RP1: variants seen among roughly 807,000 people sequenced by gnomAD.
RP1 encodes the protein oxygen-regulated protein 1.
Under a neutral mutation model 14.8 loss-of-function variants are expected in RP1, and 16 were observed. That is an observed-to-expected ratio of 1.08 (90% CI 0.73 to 1.65). The LOEUF is 1.65. RP1 is among the 40% of genes most tolerant of loss of function. The pLI is 0.00. For synonymous variants in RP1, 876 were observed against 883.6 expected (o/e 0.99, Z 0.15); for missense variants, 2,631 against 2,535.0 (o/e 1.04, Z -0.81).
downstream of RP1, among the ~76,000 whole-genome samples, chr8:54,634,839 T>C (rs2129320350): frequency 6.6e-6 from 1 of 152,298 alleles, no homozygotes; most frequent in South Asian, 2.1e-4. Context: ...CCCAGCACTT[T>C]GGGAGGCCAA....
At chr8:54,850,393 T>C (rs902387397) in intron 25 of RP1, among the ~76,000 whole-genome samples, 1 of 152,256 alleles carries the variant, frequency 6.6e-6, no homozygotes, top group African/African-American at 2.4e-5. Flanking sequence ...GACTTATCAT[T>C]GAGCTCCCCC....
chr8:54,697,637 G>A (rs1424160838), intron 12 of RP1, among the ~76,000 whole-genome samples: 1 of 151,280 alleles, frequency 6.6e-6, no homozygotes, highest in African/African-American at 2.4e-5. Context: ...AAAAATTCCA[G>A]CGTTTTCTCA....
At chr8:54,838,421 T>G (rs1174139433) in intron 25 of RP1, among the ~76,000 whole-genome samples, 2 of 152,176 alleles carry the variant, frequency 1.3e-5, no homozygotes, top group Non-Finnish European at 2.9e-5. Flanking sequence ...TTGTTCGGAA[T>G]GAAATTACTG....
chr8:54,689,357 G>A (rs945234404), intron 12 of RP1, among the ~76,000 whole-genome samples: 2 of 152,144 alleles, frequency 1.3e-5, no homozygotes, highest in Non-Finnish European at 2.9e-5. Flanking sequence ...ATGTTGAATA[G>A]GAGTGGTGAG....
chr8:54,629,298 G>A lies in RP1; in HGVS notation c.5416G>A (p.Glu1806Lys), dbSNP rs1230679083. The part of the protein sequence containing the change: ...TMDELSSSEL[E>K]ELTQPLELKC... ...GGATGAACTCTCCTCTTCAGAACTC[G>A]AGGAACTGACTCAACCCCTTGAACT... is the stretch of plus-strand genomic sequence containing the variant. Residue 1806 changes from glutamate to lysine, a missense_variant, in exon 4 of 4, where the codon GAG (glutamate) becomes AAG (lysine). Transcript: ENST00000220676. 8 of 1,613,522 alleles carry A rather than the reference G, an allele frequency of 5.0e-6. No individual in the cohort carries two copies. Among genetic ancestry groups the A allele is most frequent in the South Asian group, 2.2e-5 (2 of 91,002 alleles).
At chr8:54,638,612 C>T (rs1806397614) in intron 3 of RP1, among the ~76,000 whole-genome samples, 1 of 151,904 alleles carries the variant, frequency 6.6e-6, no homozygotes, top group African/African-American at 2.4e-5. Context: ...TACATGTGAC[C>T]CCTCTCCCCT....
At chr8:54,791,562 T>C (rs564706727) in intron 24 of RP1, among the ~76,000 whole-genome samples, 2 of 152,178 alleles carry the variant, frequency 1.3e-5, no homozygotes, top group Admixed American at 1.3e-4. Flanking sequence ...AAAATGCAAA[T>C]TGTAATATCA....
chr8:54,656,804 C>T (rs1446180930), intron 6 of RP1, among the ~76,000 whole-genome samples: 3 of 105,836 alleles, frequency 2.8e-5, no homozygotes, highest in Admixed American at 1.0e-4. Flanking sequence ...TGGGGGAGAA[C>T]GGGATAAGGG....
intron 23 of RP1, among the ~76,000 whole-genome samples, chr8:54,782,409 T>C (rs1327364434): frequency 1.3e-5 from 2 of 152,176 alleles, no homozygotes; most frequent in Admixed American, 6.6e-5. Flanking sequence ...GGGAGTAGCA[T>C]TGTGTTTTTA....
At chr8:54,799,007 G>A (rs187490758) in intron 24 of RP1, among the ~76,000 whole-genome samples, 15 of 151,718 alleles carry the variant, frequency 9.9e-5, no homozygotes, top group African/African-American at 2.9e-4. Flanking sequence ...TTTTGGATTT[G>A]CTTTTTCGGA....
chr8:54,803,282 G>A (rs548564743), intron 24 of RP1, among the ~76,000 whole-genome samples: 10 of 152,212 alleles, frequency 6.6e-5, no homozygotes, highest in Admixed American at 5.2e-4. Flanking sequence ...TCTCGTGGAC[G>A]GGACTGGAGA....
At chr8:54,654,244 T>A (rs1806712078) in intron 5 of RP1, among the ~76,000 whole-genome samples, 1 of 152,232 alleles carries the variant, frequency 6.6e-6, no homozygotes, top group African/African-American at 2.4e-5. Context: ...AAGTTTGAAA[T>A]TTGAAATTTT....
At chr8:54,806,319 GT>G (rs200297249) in intron 24 of RP1, among the ~76,000 whole-genome samples, 3 of 151,310 alleles carry the variant, frequency 2.0e-5, no homozygotes, top group Non-Finnish European at 3.0e-5. Context: ...GTCTGGCCGG[GT>G]TTTTTTTTAA....
rs1289628587 is a variant in RP1 at position 54,701,030 on chromosome 8, C to G, written c.1822-456C>G. On this transcript the variant is annotated intron_variant, in intron 13 of 22. Coordinates refer to the RP1 transcript ENST00000636932. ...GGAACTAGAGGGAGATGGGGTGAGA[C>G]CTAAAACGCTGTCCTGAACAATAGT... 2.0e-5 allele frequency among the ~76,000 whole-genome samples: 3 copies of G among 152,112 alleles called. No individual in the cohort carries two copies. In the East Asian group the frequency reaches 5.8e-4, roughly 29 times the overall value.
At chr8:54,704,667 A>G (rs1467530072) in intron 14 of RP1, among the ~76,000 whole-genome samples, 1 of 152,242 alleles carries the variant, frequency 6.6e-6, no homozygotes, top group Non-Finnish European at 1.5e-5. Context: ...GTGAAGCACA[A>G]TTAAGTGAAG....
intron 24 of RP1, among the ~76,000 whole-genome samples, chr8:54,812,105 A>G (rs909415637): frequency 2.0e-5 from 3 of 152,230 alleles, no homozygotes; most frequent in African/African-American, 7.2e-5. Flanking sequence ...GATGTCATCA[A>G]TACAATAAGA....
chr8:54,812,077 C>T (rs141644437), intron 24 of RP1, among the ~76,000 whole-genome samples: 68 of 152,278 alleles, frequency 4.5e-4, no homozygotes, highest in African/African-American at 1.5e-3. Flanking sequence ...TATATCGAGA[C>T]CAAGAGAAAA....
At chr8:54,782,464 G>T (rs142832497) in intron 23 of RP1, among the ~76,000 whole-genome samples, 1,612 of 152,100 alleles carry the variant, frequency 0.011, 29 homozygotes, top group African/African-American at 0.037. Context: ...GAACTTGGTG[G>T]GCAGAATAGT....
At chr8:54,609,599 C>A (rs540112618) in intron 1 of RP1, among the ~76,000 whole-genome samples, 1 of 152,184 alleles carries the variant, frequency 6.6e-6, no homozygotes, top group Non-Finnish European at 1.5e-5. Context: ...CTCTTCTGGT[C>A]CTCCTTTCAT....
Sources: allele counts gnomAD v4.1 joint callset (sites outside exome capture counted in the v4.1 genomes callset), GRCh38; gene constraint gnomAD v4.1.1; transcripts MANE v1.5; gene names NCBI Gene and HGNC (gene_info 2026-07-23, HGNC 2026-07-21).